The following VWA3B variants were observed in gnomAD, a reference collection of about 807,000 sequenced individuals.
VWA3B encodes von Willebrand factor A domain-containing protein 3B.
Under a neutral mutation model 158.3 loss-of-function variants are expected in VWA3B, and 138 were observed. The ratio of observed to expected loss-of-function variants is 0.87; its 90% CI spans 0.76 to 1.00. VWA3B has a LOEUF of 1.00. Among genes scored for constraint, VWA3B ranks in the 50% least tolerant of loss-of-function variants. VWA3B has a pLI of 0.00. For synonymous variants in VWA3B, 596 were observed against 587.3 expected (o/e 1.01, Z -0.21); for missense variants, 1,555 against 1,565.1 (o/e 0.99, Z 0.11).
intron 7 of VWA3B, among the ~76,000 whole-genome samples, chr2:98,139,162 G>A (rs555343180): frequency 6.0e-4 from 92 of 152,366 alleles, no homozygotes; most frequent in African/African-American, 2.2e-3. Context: ...CAGCTGCGGA[G>A]GGTGTACTGG....
intron 12 of VWA3B, among the ~76,000 whole-genome samples, chr2:98,210,138 A>G (rs1683387448): frequency 6.6e-6 from 1 of 151,814 alleles, no homozygotes; most frequent in South Asian, 2.1e-4. Flanking sequence ...GATTAACATT[A>G]CTCCCATCGT....
chr2:98,235,887 A>C (rs1685646352), intron 17 of VWA3B, among the ~76,000 whole-genome samples: 1 of 152,244 alleles, frequency 6.6e-6, no homozygotes, highest in African/African-American at 2.4e-5. Context: ...TTCATTTATA[A>C]ATACACATTT....
Position 98,312,252 on chromosome 2 carries a change from C to A in VWA3B, c.3788C>A (p.Ala1263Asp). 1.2e-6 allele frequency: 2 copies of A among 1,614,182 alleles called. No individual in the cohort carries two copies. The highest frequency in any genetic ancestry group is 1.7e-5 in the Admixed American group (1 of 60,026). ...GGGCGTCTAGGACTCAGCAGCCACG[C>A]CATCATTGCCACACCTCCACCTCGA... ...AAGRLGLSSH[A>D]IIATPPPRAA... Residue 1263 changes from alanine to aspartate, a missense_variant, in exon 28 of 28, where the codon GCC becomes GAC. Ala to Asp is a moderately radical substitution (Grantham distance 126). Transcript: ENST00000477737.
intron 3 of VWA3B, among the ~76,000 whole-genome samples, chr2:98,116,625 G>A (rs992661504): frequency 6.6e-6 from 1 of 152,122 alleles, no homozygotes; most frequent in Admixed American, 6.5e-5. Context: ...TCCCACCTCA[G>A]CCCTCCAAGT....
intron 23 of VWA3B, among the ~76,000 whole-genome samples, chr2:98,297,222 C>T (rs1689862038): frequency 6.6e-6 from 1 of 152,108 alleles, no homozygotes; most frequent in Non-Finnish European, 1.5e-5. Flanking sequence ...GCTGGGATTA[C>T]AGGCGTGTGC....
At chr2:98,163,254 C>T (rs547522526) in intron 8 of VWA3B, among the ~76,000 whole-genome samples, 1 of 152,220 alleles carries the variant, frequency 6.6e-6, no homozygotes, top group African/African-American at 2.4e-5. Context: ...AAAACAGATG[C>T]TTGGGCCGGG....
chr2:98,186,188 A>C (rs1371263109), intron 9 of VWA3B, among the ~76,000 whole-genome samples: 2 of 138,344 alleles, frequency 1.4e-5, no homozygotes, highest in South Asian at 2.3e-4. Flanking sequence ...CAGAATATAC[A>C]CTGCTGGTTA....
intron 12 of VWA3B, among the ~76,000 whole-genome samples, chr2:98,199,692 T>A (rs1015516727): frequency 3.9e-5 from 6 of 152,236 alleles, no homozygotes; most frequent in Non-Finnish European, 8.8e-5. Context: ...GCCTACTCTT[T>A]GCTTTGAAGA....
chr2:98,311,969 G>A lies in VWA3B; in HGVS notation c.3672G>A (p.Ser1224=), dbSNP rs1261100718. The A allele has an allele frequency of 1.3e-5, 21 of 1,604,724 alleles. No homozygotes were observed. The highest frequency in any genetic ancestry group is 5.4e-5 in the African/African-American group (4 of 74,704). ...TCCAGCAGGCGGCGCCCTCGGACTC[G>A]GACGGCTCCTCCCACGGCATCAGCT... The part of the protein sequence containing the change: ...QPLQQAAPSD[S]DGSSHGISSH... Residue 1224 remains serine (S), a synonymous_variant, in exon 27 of 28, where the codon TCG becomes TCA. Coordinates refer to ENST00000477737, the MANE Select transcript of VWA3B (RefSeq NM_144992.5).
chr2:98,101,839 TG>T (rs1432627364), intron 2 of VWA3B, among the ~76,000 whole-genome samples: 1 of 151,618 alleles, frequency 6.6e-6, no homozygotes, highest in East Asian at 1.9e-4. Flanking sequence ...TTTTTTTTTT[TG>T]CATGTTTATA....
rs144367155 is a variant in VWA3B, at chr2:98,177,265, C to T, written c.1115-3751C>T. Among the ~76,000 whole-genome samples the T allele has an allele frequency of 4.0e-3, 602 of 152,252 alleles. 5 individuals carry two copies. Among genetic ancestry groups the T allele is most frequent in the African/African-American group, 0.014 (564 of 41,564 alleles). On this transcript the variant is annotated intron_variant, in intron 8 of 27. Transcript: ENST00000477737. ...ATGGGGAGGACAGGGCTGGTCAATTCTGTGGCATAGATGTGCTCCCTTCTC... is the reference window on the plus strand; with the variant it reads ...ATGGGGAGGACAGGGCTGGTCAATTTTGTGGCATAGATGTGCTCCCTTCTC...
intron 12 of VWA3B, among the ~76,000 whole-genome samples, chr2:98,199,274 G>A (rs1247853129): frequency 6.6e-6 from 1 of 152,174 alleles, no homozygotes; most frequent in Admixed American, 6.5e-5. Context: ...AAGGCTATCT[G>A]TGTTATTTCC....
intron 25 of VWA3B, among the ~76,000 whole-genome samples, chr2:98,300,718 G>T (rs62155301): frequency 6.6e-6 from 1 of 151,920 alleles, no homozygotes; most frequent in African/African-American, 2.4e-5. Context: ...TGCCAGCCCC[G>T]CTCCTGCCCT....
At chr2:98,263,042 G>C (rs1214503307) in intron 21 of VWA3B, among the ~76,000 whole-genome samples, 1 of 151,710 alleles carries the variant, frequency 6.6e-6, no homozygotes, top group East Asian at 1.9e-4. Flanking sequence ...TGCTATTGTA[G>C]ATGGGATTAT....
At chr2:98,282,381 T>C (rs1159138020) in intron 22 of VWA3B, among the ~76,000 whole-genome samples, 2 of 152,104 alleles carry the variant, frequency 1.3e-5, no homozygotes, top group Non-Finnish European at 2.9e-5. Context: ...AGAAATGAAT[T>C]CTTGCCAATA....
chr2:98,219,105 C>G (rs1234110089), intron 14 of VWA3B, among the ~76,000 whole-genome samples: 1 of 152,134 alleles, frequency 6.6e-6, no homozygotes, highest in Non-Finnish European at 1.5e-5. Context: ...ACAAAGTAAA[C>G]TCAGCAATGC....
intron 2 of VWA3B, among the ~76,000 whole-genome samples, chr2:98,106,963 T>G (rs1673711011): frequency 1.3e-5 from 2 of 152,198 alleles, no homozygotes. Context: ...CCACTAAGTA[T>G]GATGTTAACT....
rs559840918 is a variant in VWA3B at position 98,311,729 on chromosome 2, G to C, written c.3522-90G>C. ...ATGGGAAGAGGGACGTGGGCAAGGA[G>C]CTGAGAAGCAGCCGTGGGGATGGCT... is the stretch of plus-strand genomic sequence containing the variant. On this transcript the variant is annotated intron_variant, in intron 26 of 27. Coordinates refer to ENST00000477737, the MANE Select transcript of VWA3B (RefSeq NM_144992.5). 3.6e-4 allele frequency: 508 copies of C among 1,411,300 alleles called. 3 individuals are homozygous for C. In the African/African-American group the frequency reaches 6.7e-3, roughly 18 times the overall value. The allele number at this position is 1,411,300 out of a possible 1,614,324, so 87.4% of individuals were successfully genotyped here. A position where few individuals can be genotyped will look rare whatever the true frequency, so the allele number is the denominator to read the frequency against.
At chr2:98,159,154 A>C (rs1678358947) in intron 7 of VWA3B, among the ~76,000 whole-genome samples, 2 of 152,222 alleles carry the variant, frequency 1.3e-5, no homozygotes, top group Non-Finnish European at 2.9e-5. Context: ...TGAGAAGTCA[A>C]TACTAGGTGC....
Sources: gnomAD v4.1 joint callset for allele counts (sites outside exome capture counted in the v4.1 genomes callset) on GRCh38, gnomAD v4.1.1 for gene constraint, MANE v1.5 for transcripts, NCBI Gene and HGNC (gene_info 2026-07-23, HGNC 2026-07-21) for gene names.